DHRS7B: variants seen among roughly 807,000 people sequenced by gnomAD.
The protein encoded by DHRS7B is peroxisomal reductase activating PPAR-gamma.
Under a neutral mutation model 26.4 loss-of-function variants are expected in DHRS7B, and 24 were observed. The observed-to-expected ratio is 0.91, with a 90% CI of 0.66 to 1.28. The LOEUF is 1.28. Among genes scored for constraint, DHRS7B ranks in the 50% most tolerant of loss-of-function variants. The pLI is 0.00. For missense variants in DHRS7B, 368 were observed against 419.4 expected (o/e 0.88, Z 1.07); for synonymous variants, 142 against 166.4 (o/e 0.85, Z 1.13).
intron 1 of DHRS7B, among the ~76,000 whole-genome samples, chr17:21,145,683 A>C (rs936360337): frequency 6.6e-6 from 1 of 152,212 alleles, no homozygotes; most frequent in Non-Finnish European, 1.5e-5. Context: ...GTACCTATAC[A>C]CCCATTCTAT....
chr17:21,162,422 G>A (rs904928904), intron 1 of DHRS7B, among the ~76,000 whole-genome samples: 2 of 152,070 alleles, frequency 1.3e-5, no homozygotes, highest in African/African-American at 4.8e-5. Context: ...CAACACATCT[G>A]GGCTCTGTTT....
rs370861401 is a variant in DHRS7B, at chr17:21,138,101, TACACACACAC to T, written c.20+11132_20+11141del. Among the ~76,000 whole-genome samples the T allele has an allele frequency of 1.0e-3, 90 of 86,110 alleles. 1 individual carries two copies. The highest frequency in any genetic ancestry group is 4.3e-3 in the South Asian group (9 of 2,072). 56.5% of individuals were successfully genotyped at this position (86,110 alleles called of 152,430 possible). A position where few individuals can be genotyped will look rare whatever the true frequency, so the allele number is the denominator to read the frequency against. On this transcript the variant is annotated intron_variant, in intron 1 of 6. Transcript: ENST00000395511. ...ATATATATATATATATATATATATATACACACACACACACACACACACACACACACATATA... is the reference window on the plus strand; with the variant it reads ...ATATATATATATATATATATATATATACACACACACACACACACACATATA...
chr17:21,136,623 C>T (rs1047708544), intron 1 of DHRS7B, among the ~76,000 whole-genome samples: 1 of 152,092 alleles, frequency 6.6e-6, no homozygotes, highest in Non-Finnish European at 1.5e-5. Flanking sequence ...CCGACCTTGG[C>T]TCACTGCAAC....
intron 1 of DHRS7B, among the ~76,000 whole-genome samples, chr17:21,140,359 C>A (rs1167060558): frequency 6.6e-6 from 1 of 151,894 alleles, no homozygotes; most frequent in Non-Finnish European, 1.5e-5. Flanking sequence ...CTGTCAGCTA[C>A]GTAGCCTTAA....
intron 1 of DHRS7B, among the ~76,000 whole-genome samples, chr17:21,132,546 A>C (rs1313275142): frequency 5.4e-5 from 8 of 147,404 alleles, no homozygotes; most frequent in South Asian, 4.2e-4. Flanking sequence ...AAAAAAAAAA[A>C]AAACAAAAAA....
In DHRS7B at chr17:21,191,036, G is replaced by C; in HGVS notation, c.861G>C (p.Val287=). ...LAAVGKKKKD[V]ILADLLPSLA... is the part of the protein sequence containing the mutation. Reference sequence around the variant, plus strand: ...CTGTGGGGAAGAAGAAGAAAGATGTGATCCTGGCTGACTTACTGCCTTCCT... The same window carrying C: ...CTGTGGGGAAGAAGAAGAAAGATGTCATCCTGGCTGACTTACTGCCTTCCT... The change falls in exon 7 of 7, where the codon GTG becomes GTC. Residue 287 remains valine, a synonymous_variant. Transcript: ENST00000395511. 6.2e-7 allele frequency: 1 copy of C among 1,614,274 alleles called. No individual in the cohort carries two copies. The highest frequency in any genetic ancestry group is 1.7e-4 in the Middle Eastern group (1 of 6,056).
At chr17:21,146,403 A>C (rs981733125) in intron 1 of DHRS7B, among the ~76,000 whole-genome samples, 6 of 152,250 alleles carry the variant, frequency 3.9e-5, no homozygotes, top group African/African-American at 1.4e-4. Context: ...CTTGTCTCAG[A>C]AAACAAAAAC....
At chr17:21,169,160 A>G (rs1159987873) in intron 1 of DHRS7B, among the ~76,000 whole-genome samples, 1 of 152,206 alleles carries the variant, frequency 6.6e-6, no homozygotes, top group Non-Finnish European at 1.5e-5. Flanking sequence ...ACTTCTGCCA[A>G]TGTTGTGGAG....
At chr17:21,178,135 T>A in intron 2 of DHRS7B, 98 bp from the exon 3 acceptor site, 1 of 1,158,318 alleles carries the variant, frequency 8.6e-7, no homozygotes. Flanking sequence ...AACACAGACC[T>A]GTGAAGGGTG....
intron 1 of DHRS7B, among the ~76,000 whole-genome samples, chr17:21,138,085 T>TACACAC (rs1567616058): frequency 9.2e-5 from 6 of 65,126 alleles, no homozygotes; most frequent in African/African-American, 3.5e-4. Context: ...AATATATATA[T>TACACAC]ATATATATAT....
intron 1 of DHRS7B, among the ~76,000 whole-genome samples, chr17:21,136,630 C>T (rs2143879342): frequency 6.6e-6 from 1 of 152,260 alleles, no homozygotes; most frequent in South Asian, 2.1e-4. Context: ...TGGCTCACTG[C>T]AACCTCCGCC....
At chr17:21,167,078 A>G (rs1974130726) in intron 1 of DHRS7B, among the ~76,000 whole-genome samples, 1 of 152,022 alleles carries the variant, frequency 6.6e-6, no homozygotes, top group African/African-American at 2.4e-5. Flanking sequence ...TGCAAGGGAG[A>G]ATTTTGGCCA....
intron 1 of DHRS7B, chr17:21,128,807 T>C (rs11204336): frequency 0.37 from 55,792 of 149,802 alleles, 10,380 homozygotes; most frequent in Middle Eastern, 0.42. Context: ...GAGGCAGAGG[T>C]TGCAGTGAGC....
intron 5 of DHRS7B, among the ~76,000 whole-genome samples, chr17:21,188,276 T>G (rs1403228652): frequency 6.6e-6 from 1 of 152,186 alleles, no homozygotes; most frequent in African/African-American, 2.4e-5. Flanking sequence ...TCTCTCTCTC[T>G]GTGTATATGC....
At chr17:21,148,832 C>G (rs903016714) in intron 1 of DHRS7B, among the ~76,000 whole-genome samples, 1 of 151,934 alleles carries the variant, frequency 6.6e-6, no homozygotes, top group Non-Finnish European at 1.5e-5. Flanking sequence ...TAGAAAACTA[C>G]CTGAAAAGGC....
At chr17:21,142,689 T>TC (rs1435677774) in intron 1 of DHRS7B, among the ~76,000 whole-genome samples, 1 of 102,010 alleles carries the variant, frequency 9.8e-6, no homozygotes, top group East Asian at 2.9e-4. Flanking sequence ...CTCACCCCCC[T>TC]CCCCCGCCCC....
Position 21,178,264 on chromosome 17 carries a change from T to C in DHRS7B, c.231T>C (p.Ala77=). ...ECAKVFYAAG[A]KLVLCGRNGG... The stretch of plus-strand genomic sequence containing the variant: ...CAAAAGTCTTCTATGCTGCGGGTGC[T>C]AAACTGGTGCTCTGTGGCCGGAATG... Residue 77 remains alanine, a synonymous_variant, in exon 3 of 7, where the codon GCT becomes GCC. Coordinates refer to ENST00000395511, the MANE Select transcript of DHRS7B (RefSeq NM_015510.5). 6.2e-7 allele frequency: 1 copy of C among 1,614,240 alleles called. No homozygotes were observed. Among genetic ancestry groups the C allele is most frequent in the East Asian group, 2.2e-5 (1 of 44,882 alleles).
intron 1 of DHRS7B, chr17:21,166,097 C>A: frequency 1.0e-6 from 1 of 959,376 alleles, no homozygotes; most frequent in Non-Finnish European, 1.2e-6. Context: ...TATTACAGGG[C>A]CCGGGGCTGG....
intron 1 of DHRS7B, among the ~76,000 whole-genome samples, chr17:21,167,775 C>T (rs1974146286): frequency 6.6e-6 from 1 of 152,156 alleles, no homozygotes; most frequent in Non-Finnish European, 1.5e-5. Context: ...ATCAATCTTG[C>T]CTTCTCAGTC....
Sources: allele counts gnomAD v4.1 joint callset (sites outside exome capture counted in the v4.1 genomes callset), GRCh38; gene constraint gnomAD v4.1.1; transcripts MANE v1.5; gene names NCBI Gene and HGNC (gene_info 2026-07-23, HGNC 2026-07-21).